The following SEMA6D variants were observed in gnomAD, a reference collection of about 807,000 sequenced individuals.
SEMA6D encodes semaphorin-6D.
In SEMA6D, 35 loss-of-function variants were observed where a neutral mutation model predicts 106.6. The ratio of observed to expected loss-of-function variants is 0.33; its 90% CI spans 0.25 to 0.44. The LOEUF is 0.44. Among genes scored for constraint, SEMA6D ranks in the 20% least tolerant of loss-of-function variants. The pLI is 1.00. For missense variants in SEMA6D, 1,185 were observed against 1,345.9 expected, an observed-to-expected ratio of 0.88 and a Z score of 1.87; for synonymous variants, 499 against 487.7, an observed-to-expected ratio of 1.02 and a Z score of -0.31.
chr15:47,692,095 G>C (rs1199913101), intron 4 of SEMA6D, among the ~76,000 whole-genome samples: 2 of 152,160 alleles, frequency 1.3e-5, no homozygotes, highest in Non-Finnish European at 2.9e-5. Context: ...AAATGGAAGA[G>C]AGCCAGAGTG....
At chr15:47,464,268 A>G in intron 2 of SEMA6D, among the ~76,000 whole-genome samples, 1 of 152,084 alleles carries the variant, frequency 6.6e-6, no homozygotes, top group Non-Finnish European at 1.5e-5. Context: ...ATAAAGTAAA[A>G]TATATTTTCC....
In SEMA6D at chr15:47,537,591, A is replaced by G. The variant is rs117062330; in HGVS notation, c.-86-63274A>G. ...TATACAGAATGAATTAGAAGAAATAATACTGGCTCAAATGCTCTGCCGTGA... is the reference window on the plus strand; with the variant it reads ...TATACAGAATGAATTAGAAGAAATAGTACTGGCTCAAATGCTCTGCCGTGA... On this transcript the variant is annotated intron_variant, in intron 3 of 19. Transcript: ENST00000558014. Among the ~76,000 whole-genome samples, 42 of 152,330 alleles carry G rather than the reference A, an allele frequency of 2.8e-4. No homozygotes were observed. The East Asian group carries it at 8.1e-3, about 29-fold the overall frequency.
chr15:47,298,781 C>G (rs1317862701), intron 1 of SEMA6D, among the ~76,000 whole-genome samples: 1 of 152,164 alleles, frequency 6.6e-6, no homozygotes, highest in African/African-American at 2.4e-5. Flanking sequence ...GCTCTGGGCC[C>G]AGCTTCTCCA....
intron 1 of SEMA6D, among the ~76,000 whole-genome samples, chr15:47,208,320 A>G (rs532914352): frequency 7.9e-5 from 12 of 152,308 alleles, no homozygotes; most frequent in African/African-American, 2.6e-4. Flanking sequence ...TATCACTATA[A>G]TAAGGAAGTT....
chr15:47,737,356 A>T (rs937314347), intron 1 of SEMA6D, among the ~76,000 whole-genome samples: 1 of 152,194 alleles, frequency 6.6e-6, no homozygotes, highest in Non-Finnish European at 1.5e-5. Flanking sequence ...GTTTATTTGG[A>T]TGGAAGGTAA....
At chr15:47,241,386 C>G (rs1253246959) in intron 1 of SEMA6D, 1 of 152,112 alleles carries the variant, frequency 6.6e-6, no homozygotes, top group Non-Finnish European at 1.5e-5. Flanking sequence ...TGGTCACCAC[C>G]TATGTGGTAC....
chr15:47,428,362 A>C (rs946398635), intron 2 of SEMA6D, among the ~76,000 whole-genome samples: 2 of 152,176 alleles, frequency 1.3e-5, no homozygotes, highest in Non-Finnish European at 2.9e-5. Flanking sequence ...CCAGCTTTGC[A>C]GAAGACCAGA....
At chr15:47,428,713 G>T (rs1471406649) in intron 2 of SEMA6D, among the ~76,000 whole-genome samples, 2 of 151,904 alleles carry the variant, frequency 1.3e-5, no homozygotes, top group Non-Finnish European at 2.9e-5. Flanking sequence ...GGTGGAGGTT[G>T]CAGTGAGCTG....
At chr15:47,695,389 A>G (rs1428932834) in intron 4 of SEMA6D, among the ~76,000 whole-genome samples, 1 of 152,102 alleles carries the variant, frequency 6.6e-6, no homozygotes, top group African/African-American at 2.4e-5. Flanking sequence ...GGTGCCAGTA[A>G]TCATCTCAGC....
At chr15:47,255,724 T>C (rs1472368170) in intron 1 of SEMA6D, among the ~76,000 whole-genome samples, 1 of 152,194 alleles carries the variant, frequency 6.6e-6, no homozygotes, top group East Asian at 1.9e-4. Context: ...TTTTTCTCTT[T>C]ATGGATTATT....
chr15:47,416,336 T>G (rs2040968325), intron 2 of SEMA6D, among the ~76,000 whole-genome samples: 1 of 152,116 alleles, frequency 6.6e-6, no homozygotes, highest in South Asian at 2.1e-4. Context: ...GTCTGTTTTG[T>G]CCTCATGTTA....
chr15:47,380,998 C>T (rs1567040368), intron 1 of SEMA6D, among the ~76,000 whole-genome samples: 1 of 152,018 alleles, frequency 6.6e-6, no homozygotes, highest in African/African-American at 2.4e-5. Context: ...AAAACAGCTG[C>T]AATTAAAAAA....
At chr15:47,401,595 C>T (rs1369499847) in intron 1 of SEMA6D, among the ~76,000 whole-genome samples, 1 of 152,208 alleles carries the variant, frequency 6.6e-6, no homozygotes, top group Admixed American at 6.5e-5. Flanking sequence ...TCAGCCTGCT[C>T]TCACCCAACT....
At chr15:47,569,425 A>G (rs572372096) in intron 3 of SEMA6D, among the ~76,000 whole-genome samples, 36 of 152,258 alleles carry the variant, frequency 2.4e-4, no homozygotes, top group African/African-American at 6.7e-4. Flanking sequence ...TTGATATGCT[A>G]TTCATACAAG....
intron 3 of SEMA6D, among the ~76,000 whole-genome samples, chr15:47,593,312 G>A (rs996879821): frequency 2.0e-5 from 3 of 151,130 alleles, no homozygotes; most frequent in Admixed American, 6.6e-5. Flanking sequence ...GGCTGAGGCA[G>A]GAGAATGGCA....
In SEMA6D at chr15:47,379,066, G is replaced by A. The variant is rs917068406; in HGVS notation, c.-238-33327G>A. Among the ~76,000 whole-genome samples the A allele has an allele frequency of 1.2e-4, 18 of 152,314 alleles. No homozygotes were observed. In the South Asian group the frequency reaches 3.7e-3, roughly 32 times the overall value. ...CTGCCTCTATAACTGCCGTAACCTG[G>A]AACATAATTTCCAAACCAGCTGTGA... On this transcript the variant is annotated intron_variant, in intron 1 of 19. Transcript: ENST00000558014.
intron 1 of SEMA6D, among the ~76,000 whole-genome samples, chr15:47,335,363 G>C (rs576267915): frequency 6.6e-6 from 1 of 152,076 alleles, no homozygotes; most frequent in African/African-American, 2.4e-5. Context: ...AGATACAAAA[G>C]AGTTTGTTCC....
intron 3 of SEMA6D, among the ~76,000 whole-genome samples, chr15:47,505,329 C>A (rs1486414684): frequency 6.6e-6 from 1 of 152,148 alleles, no homozygotes; most frequent in Non-Finnish European, 1.5e-5. Flanking sequence ...AGAACTTAAG[C>A]CTTAACCACA....
intron 1 of SEMA6D, among the ~76,000 whole-genome samples, chr15:47,315,363 A>T (rs2036623348): frequency 6.6e-6 from 1 of 152,138 alleles, no homozygotes; most frequent in Admixed American, 6.5e-5. Flanking sequence ...TCTTTGCTCC[A>T]CTGTATTGCC....
Sources: allele counts gnomAD v4.1 joint callset (sites outside exome capture counted in the v4.1 genomes callset), GRCh38; gene constraint gnomAD v4.1.1; transcripts MANE v1.5; gene names NCBI Gene and HGNC (gene_info 2026-07-23, HGNC 2026-07-21).